The following WDR17 variants were observed in gnomAD, a reference collection of about 807,000 sequenced individuals.
The protein encoded by WDR17 is WD repeat domain 17.
In WDR17, 143 loss-of-function variants were observed where a neutral mutation model predicts 161.7. The observed-to-expected ratio is 0.88, with a 90% CI of 0.77 to 1.02. The LOEUF is 1.02. Among genes scored for constraint, WDR17 ranks in the 50% least tolerant of loss-of-function variants. WDR17 has a pLI of 0.00. For synonymous variants in WDR17, 517 were observed against 515.6 expected, an observed-to-expected ratio of 1.00 and a Z score of -0.04; for missense variants, 1,469 against 1,520.9, an observed-to-expected ratio of 0.97 and a Z score of 0.57.
At chr4:176,178,726 TA>T (rs1415033484) in intron 28 of WDR17, among the ~76,000 whole-genome samples, 4 of 152,226 alleles carry the variant, frequency 2.6e-5, no homozygotes, top group African/African-American at 9.6e-5. Context: ...TTCCATTATC[TA>T]GAAATAATTT....
At position 176,155,547 on chromosome 4, in the gene WDR17, T is replaced by TTTTTTTTTGTTTTGTTTTGTTTTG. The variant is rs1395960091; in HGVS notation, c.2461-524_2461-523insGTTTTGTTTTGTTTTGTTTTTTTT. ...TGTTTTTTTGTTTATTTGTTTGTGT[T>TTTTTTTTTGTTTTGTTTTGTTTTG]TTTTTTTTTTTTTTGGAGACGAAGT... On this transcript the variant is annotated intron_variant, in intron 17 of 28. Coordinates refer to ENST00000508596, the MANE Select transcript of WDR17 (RefSeq NM_181265.4). Among the ~76,000 whole-genome samples, 348 of 133,436 alleles carry TTTTTTTTTGTTTTGTTTTGTTTTG rather than the reference T, an allele frequency of 2.6e-3. 2 individuals carry two copies. The highest frequency in any genetic ancestry group is 9.2e-3 in the African/African-American group (334 of 36,180). 87.5% of individuals were successfully genotyped at this position (133,436 alleles called of 152,430 possible).
intron 23 of WDR17, among the ~76,000 whole-genome samples, chr4:176,171,293 G>C (rs1750702566): frequency 6.6e-6 from 1 of 152,110 alleles, no homozygotes; most frequent in Non-Finnish European, 1.5e-5. Context: ...ATTTAAAAAC[G>C]ATATTTAAAT....
chr4:176,118,221 A>G (rs1740944988), intron 3 of WDR17, among the ~76,000 whole-genome samples: 1 of 152,182 alleles, frequency 6.6e-6, no homozygotes, highest in Non-Finnish European at 1.5e-5. Context: ...AAGTCACTAT[A>G]AAAGTGTTTT....
At chr4:176,094,564 C>G (rs887090281) in intron 1 of WDR17, among the ~76,000 whole-genome samples, 2 of 152,106 alleles carry the variant, frequency 1.3e-5, no homozygotes, top group African/African-American at 2.4e-5. Context: ...AGGCAAAAAG[C>G]CTTGAAAACA....
chr4:176,164,165 G>C (rs944167968), intron 22 of WDR17, among the ~76,000 whole-genome samples: 1 of 152,112 alleles, frequency 6.6e-6, no homozygotes. Flanking sequence ...ACGATTTTAA[G>C]TACTTTATAT....
rs767963143 is a variant in WDR17 at position 176,179,580 on chromosome 4, T to C, written c.*1T>C. The C allele has an allele frequency of 1.2e-5, 18 of 1,545,036 alleles. No homozygotes were observed. Among genetic ancestry groups the C allele is most frequent in the South Asian group, 2.6e-5 (2 of 78,178 alleles). ...TGGAATACGACTCAATCCATTCTGA[T>C]AGAAGATTTTTGTCCATGCTTGATT... On this transcript the variant is annotated 3_prime_UTR_variant, in exon 29 of 29. Transcript: ENST00000508596.
chr4:176,069,734 C>G (rs971304845), intron 1 of WDR17, among the ~76,000 whole-genome samples: 1 of 152,056 alleles, frequency 6.6e-6, no homozygotes, highest in Non-Finnish European at 1.5e-5. Context: ...TCATATCACG[C>G]ACACAGAAAA....
chr4:176,157,647 T>C lies in WDR17; in HGVS notation c.2525+1504T>C, dbSNP rs188341051. On this transcript the variant is annotated intron_variant, in intron 18 of 28. Transcript: ENST00000508596. Reference sequence around the variant, plus strand: ...TATTTCAATCTCAGCAAAAACTTAATGGATTTCCATTTAAGACCAAAGTGG... The same window carrying C: ...TATTTCAATCTCAGCAAAAACTTAACGGATTTCCATTTAAGACCAAAGTGG... 3.3e-5 allele frequency among the ~76,000 whole-genome samples: 5 copies of C among 152,376 alleles called. No individual in the cohort carries two copies. The East Asian group carries it at 9.6e-4, about 29-fold the overall frequency.
chr4:176,116,019 T>C (rs778324493), intron 3 of WDR17, 40 bp downstream of exon 3: 2 of 1,532,524 alleles, frequency 1.3e-6, no homozygotes, highest in South Asian at 2.5e-5. Flanking sequence ...GAATAAAATA[T>C]TTTTATTTCA....
intron 12 of WDR17, 129 bp downstream of exon 12, chr4:176,146,288 C>A: frequency 1.0e-6 from 1 of 954,942 alleles, no homozygotes; most frequent in Non-Finnish European, 1.4e-6. Flanking sequence ...GGCTGGAATG[C>A]AGTGGCGTGA....
chr4:176,077,612 A>C (rs116545981), intron 1 of WDR17, among the ~76,000 whole-genome samples: 2 of 152,038 alleles, frequency 1.3e-5, no homozygotes, highest in Admixed American at 6.6e-5. Context: ...ATAAGTGCCA[A>C]TTAGGGTTCT....
chr4:176,111,754 TTTAA>T (rs1739786564), intron 2 of WDR17, 51 bp downstream of exon 2: 2 of 1,435,412 alleles, frequency 1.4e-6, no homozygotes, highest in African/African-American at 1.5e-5. Context: ...AAAATTAATA[TTTAA>T]TTAATACATA....
At chr4:176,071,262 A>G (rs1176822406) in intron 1 of WDR17, among the ~76,000 whole-genome samples, 1 of 151,764 alleles carries the variant, frequency 6.6e-6, no homozygotes, top group East Asian at 1.9e-4. Flanking sequence ...GCAATGGAAT[A>G]TTTACTTCAA....
intron 1 of WDR17, among the ~76,000 whole-genome samples, chr4:176,081,500 A>G (rs1734744088): frequency 6.6e-6 from 1 of 152,034 alleles, no homozygotes; most frequent in African/African-American, 2.4e-5. Flanking sequence ...TTCATTCTCT[A>G]TTATAGCAGC....
rs371957018 is a variant in WDR17 at position 176,092,234 on chromosome 4, A to C, written c.-6-19341A>C. ...GCAGACTGAATTCAACAGCATATTA[A>C]AAAAGACCATTCATCAAGACCAAGT... On this transcript the variant is annotated intron_variant, in intron 1 of 28. Coordinates refer to ENST00000508596, the MANE Select transcript of WDR17 (RefSeq NM_181265.4). 2.0e-4 allele frequency among the ~76,000 whole-genome samples: 30 copies of C among 152,286 alleles called. No homozygotes were observed. The East Asian group carries it at 4.8e-3, about 24-fold the overall frequency.
intron 3 of WDR17, among the ~76,000 whole-genome samples, chr4:176,118,413 A>T (rs1740985263): frequency 6.6e-6 from 1 of 152,074 alleles, no homozygotes; most frequent in African/African-American, 2.4e-5. Flanking sequence ...GTATCCTAAA[A>T]CCATATCAAC....
chr4:176,105,496 A>T (rs1193895602), intron 1 of WDR17, among the ~76,000 whole-genome samples: 2 of 152,088 alleles, frequency 1.3e-5, no homozygotes, highest in Non-Finnish European at 2.9e-5. Context: ...AGATTTTAAA[A>T]AGTAGTTATC....
chr4:176,149,022 A>G (rs1025406100), intron 13 of WDR17, among the ~76,000 whole-genome samples: 7 of 152,170 alleles, frequency 4.6e-5, no homozygotes, highest in African/African-American at 1.7e-4. Flanking sequence ...AGCCAAGGCA[A>G]TGCGGGACTG....
rs140570618 is a variant in WDR17, at chr4:176,088,325, C to T, written c.-7+22246C>T. Among the ~76,000 whole-genome samples the T allele has an allele frequency of 4.0e-3, 611 of 152,170 alleles. 5 individuals are homozygous for T. The highest frequency in any genetic ancestry group is 0.013 in the African/African-American group (560 of 41,524). On this transcript the variant is annotated intron_variant, in intron 1 of 28. Coordinates refer to ENST00000508596, the MANE Select transcript of WDR17 (RefSeq NM_181265.4). ...AGCCAGGAGGGTACTGTGATGAATG[C>T]TTGTAATCCCAGCTACTTAGTGACT... is the stretch of plus-strand genomic sequence containing the variant.
Sources: allele counts gnomAD v4.1 joint callset (sites outside exome capture counted in the v4.1 genomes callset), GRCh38; gene constraint gnomAD v4.1.1; transcripts MANE v1.5; gene names NCBI Gene and HGNC (gene_info 2026-07-23, HGNC 2026-07-21).